Variants in NINJ1 observed in about 807,000 individuals in gnomAD.
NINJ1 encodes ninjurin 1.
A neutral mutation model predicts 12.7 loss-of-function variants in NINJ1; 6 were observed. That is an observed-to-expected ratio of 0.47 (90% CI 0.26 to 0.93). The LOEUF is 0.93. Among genes scored for constraint, NINJ1 ranks in the 40% least tolerant of loss-of-function variants. NINJ1 has a pLI of 0.15. For missense variants in NINJ1, 170 were observed against 213.0 expected (o/e 0.80, Z 1.26); for synonymous variants, 100 against 96.0 (o/e 1.04, Z -0.25).
At chr9:93,133,157 G>C (rs182395095) in intron 1 of NINJ1, among the ~76,000 whole-genome samples, 178 of 152,250 alleles carry the variant, frequency 1.2e-3, no homozygotes, top group Non-Finnish European at 2.2e-3. Context: ...CTAGGAACAA[G>C]TGTCCATGCA....
At position 93,131,248 on chromosome 9, in the gene NINJ1, G is replaced by A. The variant is rs549272819; in HGVS notation, c.75+2895C>T. Among the ~76,000 whole-genome samples the A allele has an allele frequency of 2.6e-5, 4 of 152,374 alleles. No individual in the cohort carries two copies. In the South Asian group the frequency reaches 8.3e-4, roughly 32 times the overall value. On this transcript the variant is annotated intron_variant, in intron 1 of 3. Transcript: ENST00000375446. Reference sequence around the variant, plus strand: ...AAACCCCAGCAAGACAGCAGGAAGTGCTGGAAGGCGGGGTTCCCACCACAG... The same window carrying A: ...AAACCCCAGCAAGACAGCAGGAAGTACTGGAAGGCGGGGTTCCCACCACAG...
In NINJ1 at chr9:93,121,710, G is replaced by T. The variant is rs922641053; in HGVS notation, c.*530C>A. 1.3e-5 allele frequency: 2 copies of T among 152,356 alleles called. No homozygotes were observed. The highest frequency in any genetic ancestry group is 2.4e-5 in the African/African-American group (1 of 41,478). 9.4% of individuals were successfully genotyped at this position (152,356 alleles called of 1,614,324 possible). On this transcript the variant is annotated 3_prime_UTR_variant, in exon 4 of 4. Transcript: ENST00000375446. Reference sequence around the variant, plus strand: ...GCCAGTGGCCATCCGTAGGGCCAAAGGCAGTTCTGGCTGTGCAGGGTCCCT... The same window carrying T: ...GCCAGTGGCCATCCGTAGGGCCAAATGCAGTTCTGGCTGTGCAGGGTCCCT...
chr9:93,129,109 G>A (rs1474352044), intron 1 of NINJ1, among the ~76,000 whole-genome samples: 3 of 152,176 alleles, frequency 2.0e-5, no homozygotes. Flanking sequence ...AGCACCCCCA[G>A]CCACGAGGAG....
chr9:93,131,204 T>A (rs1181927344), intron 1 of NINJ1, among the ~76,000 whole-genome samples: 21 of 152,176 alleles, frequency 1.4e-4, no homozygotes, highest in Non-Finnish European at 2.8e-4. Flanking sequence ...CCCAGCTCCA[T>A]GTCTGTGTTC....
intron 1 of NINJ1, among the ~76,000 whole-genome samples, chr9:93,131,298 G>A (rs185341763): frequency 2.0e-5 from 3 of 152,372 alleles, no homozygotes; most frequent in East Asian, 1.9e-4. Context: ...CCCACTTCCC[G>A]CGGACTCAGC....
At chr9:93,123,103 T>C (rs921796808) in intron 3 of NINJ1, among the ~76,000 whole-genome samples, 2 of 152,188 alleles carry the variant, frequency 1.3e-5, no homozygotes, top group African/African-American at 4.8e-5. Flanking sequence ...GGGGCTGGCG[T>C]GATCCCACTG....
In NINJ1 at chr9:93,127,731, C is replaced by T. The variant is rs541236873; in HGVS notation, c.76-1093G>A. On this transcript the variant is annotated intron_variant, in intron 1 of 3. Coordinates refer to ENST00000375446, the MANE Select transcript of NINJ1 (RefSeq NM_004148.4). ...GAGTTGCCAGGCCCTAGACCACAGC[C>T]TCCCAGGACTGGTCACCTGCTTGGA... Among the ~76,000 whole-genome samples the T allele has an allele frequency of 5.6e-4, 85 of 152,376 alleles. 1 individual carries two copies. Among genetic ancestry groups the T allele is most frequent in the African/African-American group, 2.0e-3 (83 of 41,598 alleles).
intron 1 of NINJ1, among the ~76,000 whole-genome samples, chr9:93,131,871 G>A (rs2130753480): frequency 6.6e-6 from 1 of 152,296 alleles, no homozygotes; most frequent in East Asian, 1.9e-4. Flanking sequence ...ACCCTGGGAG[G>A]TGAGCAGTTG....
chr9:93,129,916 A>G (rs906531141), intron 1 of NINJ1, among the ~76,000 whole-genome samples: 16 of 152,090 alleles, frequency 1.1e-4, no homozygotes, highest in African/African-American at 3.6e-4. Context: ...CCCAGGGAGG[A>G]CGATCCCACT....
intron 1 of NINJ1, among the ~76,000 whole-genome samples, chr9:93,133,296 G>C (rs1297503486): frequency 6.6e-6 from 1 of 152,232 alleles, no homozygotes; most frequent in Non-Finnish European, 1.5e-5. Context: ...TCTGGTCCAC[G>C]CCATGGAGAG....
intron 1 of NINJ1, among the ~76,000 whole-genome samples, chr9:93,131,773 G>A (rs1245207003): frequency 6.6e-6 from 1 of 152,222 alleles, no homozygotes; most frequent in Non-Finnish European, 1.5e-5. Flanking sequence ...CACGGGGTAG[G>A]GGAGACCTGA....
intron 1 of NINJ1, 119 bp downstream of exon 1, chr9:93,134,024 C>G (rs1313977103): frequency 4.4e-6 from 3 of 675,332 alleles, no homozygotes; most frequent in Non-Finnish European, 6.8e-6. Context: ...TGGCCTAGAG[C>G]GGGACGTCCC....
intron 2 of NINJ1, 44 bp from the exon 3 acceptor site, chr9:93,125,106 C>T (rs374449652): frequency 4.1e-5 from 65 of 1,571,304 alleles, no homozygotes; most frequent in South Asian, 2.4e-5. Flanking sequence ...GCAGCCCAGA[C>T]GCAGCGCCCC....
intron 1 of NINJ1, among the ~76,000 whole-genome samples, chr9:93,129,598 C>T (rs1827861880): frequency 6.6e-6 from 1 of 152,196 alleles, no homozygotes; most frequent in Non-Finnish European, 1.5e-5. Flanking sequence ...CTCAGTCTCC[C>T]CCTCCGTATA....
intron 1 of NINJ1, among the ~76,000 whole-genome samples, chr9:93,129,178 GC>G (rs954119242): frequency 2.8e-5 from 2 of 71,146 alleles, no homozygotes; most frequent in African/African-American, 4.0e-5. Flanking sequence ...CCCAGCAAAG[GC>G]GGTTCCTTAC....
chr9:93,127,412 G>A (rs992537419), intron 1 of NINJ1, among the ~76,000 whole-genome samples: 2 of 152,124 alleles, frequency 1.3e-5, no homozygotes, highest in African/African-American at 2.4e-5. Flanking sequence ...CAGTTCTCTC[G>A]AAGCCCCCAA....
chr9:93,126,926 C>CCCTCCTGCCT (rs1401385931), intron 1 of NINJ1, among the ~76,000 whole-genome samples: 15 of 152,172 alleles, frequency 9.9e-5, no homozygotes, highest in Admixed American at 4.6e-4. Flanking sequence ...CCGATCCTCC[C>CCCTCCTGCCT]ACTCCTGCCA....
chr9:93,125,846 G>A (rs931898109), intron 2 of NINJ1: 4 of 154,008 alleles, frequency 2.6e-5, no homozygotes, highest in Non-Finnish European at 4.3e-5. Flanking sequence ...AGCCTGGGAG[G>A]TTGAGACTGC....
rs1463514820 is a variant in NINJ1, at chr9:93,122,046, G to T, written c.*194C>A. The T allele has an allele frequency of 6.6e-6, 1 of 152,560 alleles. No individual in the cohort carries two copies. Among genetic ancestry groups the T allele is most frequent in the African/African-American group, 2.4e-5 (1 of 41,462 alleles). 9.5% of individuals were successfully genotyped at this position (152,560 alleles called of 1,614,324 possible). ...TGGGAACAGCTGCTGAGAGACAAGAGTGGCCTCCTGCGTGGTGCTTGGCCG... is the reference window on the plus strand; with the variant it reads ...TGGGAACAGCTGCTGAGAGACAAGATTGGCCTCCTGCGTGGTGCTTGGCCG... On this transcript the variant is annotated 3_prime_UTR_variant, in exon 4 of 4. Transcript: ENST00000375446.
Sources: gnomAD v4.1 joint callset for allele counts (sites outside exome capture counted in the v4.1 genomes callset) on GRCh38, gnomAD v4.1.1 for gene constraint, MANE v1.5 for transcripts, NCBI Gene and HGNC (gene_info 2026-07-23, HGNC 2026-07-21) for gene names.